BFSP2: variants seen among roughly 807,000 people sequenced by gnomAD.
The protein encoded by BFSP2 is beaded filament structural protein 2, also known as phakinin.
In BFSP2, 38 loss-of-function variants were observed where a neutral mutation model predicts 44.9. The observed-to-expected ratio is 0.85, with a 90% CI of 0.65 to 1.11. The LOEUF is 1.11. Among genes scored for constraint, BFSP2 ranks in the 50% least tolerant of loss-of-function variants. The pLI is 0.00. For synonymous variants in BFSP2, 197 were observed against 209.9 expected, an observed-to-expected ratio of 0.94 and a Z score of 0.53; for missense variants, 525 against 533.0, an observed-to-expected ratio of 0.99 and a Z score of 0.15.
At chr3:133,447,485 C>A in intron 2 of BFSP2, 86 bp downstream of exon 2, 4 of 1,348,790 alleles carry the variant, frequency 3.0e-6, no homozygotes, top group Admixed American at 2.0e-5. Context: ...GAGCCTGCAT[C>A]ATCCACCTTC....
Position 133,448,542 on chromosome 3 carries a change from T to C in BFSP2, c.626T>C (p.Leu209Pro), listed in dbSNP as rs751680791. The C allele has an allele frequency of 6.2e-7, 1 of 1,614,120 alleles. No homozygotes were observed. The highest frequency in any genetic ancestry group is 8.5e-7 in the Non-Finnish European group (1 of 1,180,030). ...RKAAEEEINS[L>P]YKVIDEANLT... ...GCGGCAGAAGAGGAAATTAACTCTC[T>C]GTATAAAGTCATTGATGAGGCTAAT... Residue 209 changes from leucine (L) to proline (P), a missense_variant, in exon 3 of 7, where the codon CTG becomes CCG. Coordinates refer to ENST00000302334, the MANE Select transcript of BFSP2 (RefSeq NM_003571.4).
At chr3:133,447,432 C>T in intron 2 of BFSP2, 33 bp downstream of exon 2, 1 of 1,600,352 alleles carries the variant, frequency 6.2e-7, no homozygotes, top group South Asian at 1.1e-5. Flanking sequence ...ACAGTCCCTC[C>T]ACATCCCTAG....
At chr3:133,420,340 A>G (rs1243151906) in intron 1 of BFSP2, among the ~76,000 whole-genome samples, 1 of 152,190 alleles carries the variant, frequency 6.6e-6, no homozygotes, top group Non-Finnish European at 1.5e-5. Flanking sequence ...TCTTTACACA[A>G]GAGGTAGAAG....
At chr3:133,428,084 C>T (rs927867588) in intron 1 of BFSP2, among the ~76,000 whole-genome samples, 7 of 152,118 alleles carry the variant, frequency 4.6e-5, no homozygotes, top group East Asian at 3.9e-4. Context: ...TCTGTATGCC[C>T]GGGTCCACTC....
chr3:133,452,329 C>T (rs994809300), intron 4 of BFSP2, among the ~76,000 whole-genome samples: 1 of 152,330 alleles, frequency 6.6e-6, no homozygotes. Flanking sequence ...CTTTCACTCA[C>T]CCATTTCTCC....
At chr3:133,466,660 G>A (rs2074112192) in intron 4 of BFSP2, among the ~76,000 whole-genome samples, 168 bp from the exon 5 acceptor site, 1 of 64,750 alleles carries the variant, frequency 1.5e-5, no homozygotes, top group Non-Finnish European at 3.1e-5. Context: ...GGGCTACAGA[G>A]CGAGACTTCA....
intron 4 of BFSP2, among the ~76,000 whole-genome samples, chr3:133,450,887 GGATCATGA>G (rs2073957495): frequency 1.3e-5 from 2 of 152,102 alleles, no homozygotes; most frequent in Admixed American, 1.3e-4. Context: ...CAAGGCGGGC[GGATCATGA>G]GGTCAGGAGA....
intron 4 of BFSP2, among the ~76,000 whole-genome samples, chr3:133,451,580 C>T (rs921788601): frequency 6.6e-6 from 1 of 152,210 alleles, no homozygotes; most frequent in Non-Finnish European, 1.5e-5. Context: ...CAGTTTGCCA[C>T]TTCCTGGTAT....
rs1240914922 is a variant in BFSP2 at position 133,447,356 on chromosome 3, C to A, written c.529C>A (p.Gln177Lys). ...AVLENARLML[Q>K]TETIQAGADD... ...CTTGGAAAATGCCCGGCTCATGCTGCAGACAGAAACTATCCAGGCCGGAGC... is the reference window on the plus strand; with the variant it reads ...CTTGGAAAATGCCCGGCTCATGCTGAAGACAGAAACTATCCAGGCCGGAGC... The change falls in exon 2 of 7, where the codon CAG becomes AAG. Residue 177 changes from glutamine to lysine, a missense_variant. Transcript: ENST00000302334. The A allele has an allele frequency of 1.9e-6, 3 of 1,613,958 alleles. No homozygotes were observed. Among genetic ancestry groups the A allele is most frequent in the Admixed American group, 1.7e-5 (1 of 59,994 alleles).
chr3:133,469,035 G>A (rs6766144), intron 5 of BFSP2, among the ~76,000 whole-genome samples: 4,207 of 152,216 alleles, frequency 0.028, 170 homozygotes, highest in African/African-American at 0.096. Context: ...ACTCCAAGTT[G>A]GCATCACCAG....
chr3:133,445,413 A>G (rs2073888334), intron 1 of BFSP2: 1 of 152,174 alleles, frequency 6.6e-6, no homozygotes, highest in Non-Finnish European at 1.5e-5. Context: ...ACCTGCAGAG[A>G]TTCTGATAGG....
rs748632395 is a variant in BFSP2, at chr3:133,454,209, A to G, written c.891+3745A>G. Among the ~76,000 whole-genome samples the G allele has an allele frequency of 2.6e-5, 4 of 152,154 alleles. 1 individual carries two copies. The highest frequency in any genetic ancestry group is 5.9e-5 in the Non-Finnish European group (4 of 68,020). On this transcript the variant is annotated intron_variant, in intron 4 of 6. Coordinates refer to ENST00000302334, the MANE Select transcript of BFSP2 (RefSeq NM_003571.4). Reference sequence around the variant, plus strand: ...GTGGCATGTGCCTGTAGTCCTAGCTATTCAGGAGGCTGAGGCAGGAGGATT... The same window carrying G: ...GTGGCATGTGCCTGTAGTCCTAGCTGTTCAGGAGGCTGAGGCAGGAGGATT...
chr3:133,442,646 G>A (rs2073856523), intron 1 of BFSP2, among the ~76,000 whole-genome samples: 1 of 152,166 alleles, frequency 6.6e-6, no homozygotes, highest in South Asian at 2.1e-4. Flanking sequence ...CTAGGGTGAT[G>A]TCAAGAGAGG....
At chr3:133,445,033 T>A (rs1199596515) in intron 1 of BFSP2, among the ~76,000 whole-genome samples, 2 of 152,148 alleles carry the variant, frequency 1.3e-5, no homozygotes, top group African/African-American at 4.8e-5. Flanking sequence ...TTTAACCTCA[T>A]CTCCTACAGT....
rs1404221560 is a variant in BFSP2, at chr3:133,400,734, G to A, written c.489+162G>A. ...GATAACAACAATGCTACCTTTTACC[G>A]AGGTTTACTAGGAGCCCACGCTAGC... On this transcript the variant is annotated intron_variant, in intron 1 of 6. Transcript: ENST00000302334. The surrounding 1 kb of genome is among the most constrained non-coding windows in gnomAD (Gnocchi z 4.0). Among the ~76,000 whole-genome samples the A allele has an allele frequency of 1.3e-5, 2 of 152,196 alleles. No individual in the cohort carries two copies. The highest frequency in any genetic ancestry group is 2.1e-4 in the South Asian group (1 of 4,830).
intron 4 of BFSP2, among the ~76,000 whole-genome samples, chr3:133,466,542 G>A (rs545837633): frequency 1.3e-5 from 2 of 151,738 alleles, no homozygotes; most frequent in South Asian, 2.1e-4. Context: ...AATTAGCCAG[G>A]CCTGGTGGCG....
chr3:133,455,917 C>T (rs2074009073), intron 4 of BFSP2: 1 of 152,764 alleles, frequency 6.5e-6, no homozygotes, highest in Non-Finnish European at 1.5e-5. Flanking sequence ...GCCTTCTTAG[C>T]CTTCTTCCTG....
At chr3:133,439,211 G>T (rs2073821030) in intron 1 of BFSP2, among the ~76,000 whole-genome samples, 1 of 152,202 alleles carries the variant, frequency 6.6e-6, no homozygotes, top group Non-Finnish European at 1.5e-5. Context: ...TCTATGCGGG[G>T]TTTTTATAAA....
At chr3:133,417,688 C>T (rs769082568) in intron 1 of BFSP2, among the ~76,000 whole-genome samples, 92 of 146,992 alleles carry the variant, frequency 6.3e-4, no homozygotes, top group Non-Finnish European at 1.2e-3. Flanking sequence ...CTCTACTCAA[C>T]CCTGTCCTCT....
Sources: allele counts gnomAD v4.1 joint callset (sites outside exome capture counted in the v4.1 genomes callset), GRCh38; gene constraint gnomAD v4.1.1; non-coding constraint Gnocchi (gnomAD v3.1); transcripts MANE v1.5; gene names NCBI Gene and HGNC (gene_info 2026-07-23, HGNC 2026-07-21).